ULK4: variants seen among roughly 807,000 people sequenced by gnomAD.
ULK4 encodes the protein inactive serine/threonine-protein kinase ULK4.
Under a neutral mutation model 160.6 loss-of-function variants are expected in ULK4, and 133 were observed. The observed-to-expected ratio is 0.83, with a 90% CI of 0.72 to 0.96. The LOEUF (loss-of-function observed/expected upper bound fraction) is 0.96. ULK4 is among the 40% of genes least tolerant of loss of function. ULK4 has a pLI of 0.00. For missense variants in ULK4, 1,580 were observed against 1,499.5 expected, an observed-to-expected ratio of 1.05 and a Z score of -0.89; for synonymous variants, 534 against 539.8, an observed-to-expected ratio of 0.99 and a Z score of 0.15.
intron 32 of ULK4, among the ~76,000 whole-genome samples, chr3:41,541,689 CCT>C (rs2086701550): frequency 6.6e-6 from 1 of 151,986 alleles, no homozygotes; most frequent in Admixed American, 6.6e-5. Context: ...TTGTTCGTGC[CCT>C]CTCTCACCAC....
At chr3:41,831,531 A>ATATATATATATATATATATTTTTTTT in intron 18 of ULK4, among the ~76,000 whole-genome samples, 2 of 138,118 alleles carry the variant, frequency 1.4e-5, no homozygotes, top group African/African-American at 2.8e-5. Flanking sequence ...ATATATATAT[A>ATATATATATATATATATATTTTTTTT]TTTTTTTTTC....
chr3:41,611,274 A>G (rs1015632365), intron 31 of ULK4, among the ~76,000 whole-genome samples: 1 of 152,158 alleles, frequency 6.6e-6, no homozygotes, highest in African/African-American at 2.4e-5. Context: ...TGTGCTGCCA[A>G]TGAAAATGCA....
In ULK4 at chr3:41,367,426, G is replaced by A. The variant is rs571926141; in HGVS notation, c.3678+30653C>T. Among the ~76,000 whole-genome samples the A allele has an allele frequency of 1.8e-4, 28 of 152,306 alleles. No individual in the cohort carries two copies. The East Asian group carries it at 4.3e-3, about 23-fold the overall frequency. ...TTCTTTGGTAGAGGGCGATGGCTCT[G>A]GGGGACCAGGACAACCCAGTCCAGA... is the stretch of plus-strand genomic sequence containing the variant. On this transcript the variant is annotated intron_variant, in intron 35 of 36. Coordinates refer to ENST00000301831, the MANE Select transcript of ULK4 (RefSeq NM_017886.4).
chr3:41,261,639 T>C (rs528271137), intron 35 of ULK4, among the ~76,000 whole-genome samples: 6 of 152,304 alleles, frequency 3.9e-5, no homozygotes, highest in East Asian at 1.9e-4. Context: ...GTAAATTGCA[T>C]AGCGCCCTTT....
At chr3:41,279,423 A>G (rs1385185917) in intron 35 of ULK4, among the ~76,000 whole-genome samples, 1 of 152,184 alleles carries the variant, frequency 6.6e-6, no homozygotes, top group African/African-American at 2.4e-5. Flanking sequence ...CAACCTAGCA[A>G]GGCAGGCCAA....
chr3:41,643,881 G>C (rs1479622060), intron 30 of ULK4, among the ~76,000 whole-genome samples: 7 of 152,058 alleles, frequency 4.6e-5, no homozygotes, highest in Admixed American at 3.3e-4. Context: ...GCAGTGGTTT[G>C]TAGTTCTCCT....
chr3:41,775,920 T>A (rs2039599608), intron 21 of ULK4, among the ~76,000 whole-genome samples: 1 of 151,060 alleles, frequency 6.6e-6, no homozygotes, highest in Admixed American at 6.6e-5. Flanking sequence ...TCCAATCTCT[T>A]GTTGGTTAAC....
intron 1 of ULK4, among the ~76,000 whole-genome samples, chr3:41,960,043 GA>G (rs943440050): frequency 2.1e-5 from 1 of 46,852 alleles, no homozygotes; most frequent in Non-Finnish European, 7.8e-5. Flanking sequence ...GTAAAATCTT[GA>G]TTTTTTTTTT....
chr3:41,335,606 G>A (rs1219602345), intron 35 of ULK4, among the ~76,000 whole-genome samples: 1 of 152,082 alleles, frequency 6.6e-6, no homozygotes, highest in Non-Finnish European at 1.5e-5. Flanking sequence ...TGTGATGTGT[G>A]TAAACAGCTA....
chr3:41,371,214 A>G (rs9861178), intron 35 of ULK4, among the ~76,000 whole-genome samples: 41,872 of 152,154 alleles, frequency 0.28, 5,986 homozygotes, highest in Middle Eastern at 0.37. Context: ...GGCTGTGGGC[A>G]CAGCTTCAGC....
chr3:41,856,577 G>GTATATATATACACA (rs1553675332), intron 17 of ULK4, among the ~76,000 whole-genome samples: 343 of 58,252 alleles, frequency 5.9e-3, no homozygotes, highest in Non-Finnish European at 7.7e-3. Flanking sequence ...ATATATATGT[G>GTATATATATACACA]TATATATATA....
At chr3:41,541,929 G>C (rs1297906303) in intron 32 of ULK4, among the ~76,000 whole-genome samples, 1 of 152,148 alleles carries the variant, frequency 6.6e-6, no homozygotes, top group East Asian at 1.9e-4. Flanking sequence ...TGAGATTATA[G>C]GTTTTCTAAA....
At chr3:41,444,402 T>TAA (rs781343134) in intron 34 of ULK4, among the ~76,000 whole-genome samples, 18 of 151,920 alleles carry the variant, frequency 1.2e-4, no homozygotes, top group Non-Finnish European at 2.5e-4. Flanking sequence ...TGTATATATA[T>TAA]AATCTCCTTA....
At chr3:41,719,710 T>C (rs1222989518) in intron 22 of ULK4, among the ~76,000 whole-genome samples, 1 of 152,206 alleles carries the variant, frequency 6.6e-6, no homozygotes, top group African/African-American at 2.4e-5. Flanking sequence ...TCTAGCTAAC[T>C]AGTCCATCTG....
intron 30 of ULK4, among the ~76,000 whole-genome samples, chr3:41,626,671 C>A (rs2033525932): frequency 6.6e-6 from 1 of 152,104 alleles, no homozygotes; most frequent in South Asian, 2.1e-4. Context: ...ACTACAGGCG[C>A]CCGCCACCAT....
chr3:41,923,072 G>A (rs1274599423), intron 5 of ULK4, among the ~76,000 whole-genome samples: 1 of 151,796 alleles, frequency 6.6e-6, no homozygotes, highest in Admixed American at 6.6e-5. Context: ...TACTCGGGAG[G>A]CAGGAGAATT....
chr3:41,247,877 G>C (rs1027785169), intron 36 of ULK4, among the ~76,000 whole-genome samples: 1 of 152,216 alleles, frequency 6.6e-6, no homozygotes, highest in Admixed American at 6.5e-5. Flanking sequence ...ACTCATTCTT[G>C]GTTGACAAGA....
At chr3:41,786,789 C>G (rs189116376) in intron 21 of ULK4, among the ~76,000 whole-genome samples, 8 of 152,010 alleles carry the variant, frequency 5.3e-5, no homozygotes. Flanking sequence ...CTACTAAGTA[C>G]AGCCAAAAAC....
At chr3:41,437,835 A>T (rs961397649) in intron 34 of ULK4, among the ~76,000 whole-genome samples, 2 of 152,196 alleles carry the variant, frequency 1.3e-5, no homozygotes, top group African/African-American at 2.4e-5. Flanking sequence ...AGACTTCTTG[A>T]AGGGATATAA....
Sources: allele counts gnomAD v4.1 joint callset (sites outside exome capture counted in the v4.1 genomes callset), GRCh38; gene constraint gnomAD v4.1.1; transcripts MANE v1.5; gene names NCBI Gene and HGNC (gene_info 2026-07-23, HGNC 2026-07-21).